Variants in ST8SIA6 observed in about 807,000 individuals in gnomAD.
ST8SIA6 encodes the protein alpha-2,8-sialyltransferase 8F.
A neutral mutation model predicts 33.6 loss-of-function variants in ST8SIA6; 39 were observed. That is an observed-to-expected ratio of 1.16 (90% CI 0.90 to 1.52). The LOEUF is 1.52. Among genes scored for constraint, ST8SIA6 ranks in the 40% most tolerant of loss-of-function variants. The pLI is 0.00. For missense variants in ST8SIA6, 441 were observed against 443.8 expected (o/e 0.99, Z 0.06); for synonymous variants, 172 against 167.2 (o/e 1.03, Z -0.22).
At chr10:17,400,156 A>G (rs1448678075) in intron 2 of ST8SIA6, among the ~76,000 whole-genome samples, 1 of 152,172 alleles carries the variant, frequency 6.6e-6, no homozygotes, top group Admixed American at 6.5e-5. Context: ...ATTTATGGAC[A>G]AGAATTATTT....
chr10:17,438,346 T>G (rs939773340), intron 2 of ST8SIA6, among the ~76,000 whole-genome samples: 6 of 152,194 alleles, frequency 3.9e-5, no homozygotes, highest in African/African-American at 1.4e-4. Flanking sequence ...CTAGATAAAT[T>G]TATTTACAAA....
At chr10:17,393,104 TG>T (rs1850677944) in intron 2 of ST8SIA6, among the ~76,000 whole-genome samples, 1 of 152,212 alleles carries the variant, frequency 6.6e-6, no homozygotes, top group South Asian at 2.1e-4. Context: ...CTTCTTGAGC[TG>T]GGACGTCGTT....
intron 4 of ST8SIA6, among the ~76,000 whole-genome samples, chr10:17,339,319 G>C (rs1848602570): frequency 6.6e-6 from 1 of 152,036 alleles, no homozygotes; most frequent in South Asian, 2.1e-4. Flanking sequence ...TGGCTCCCAG[G>C]CACCTCTTCT....
chr10:17,347,471 G>C (rs536162415), intron 4 of ST8SIA6, among the ~76,000 whole-genome samples: 143 of 152,002 alleles, frequency 9.4e-4, no homozygotes, highest in African/African-American at 3.2e-3. Context: ...GTGGTGACCT[G>C]TTGTGGTTTT....
chr10:17,361,517 A>AACACAC (rs35428636), intron 3 of ST8SIA6, among the ~76,000 whole-genome samples: 1,807 of 146,186 alleles, frequency 0.012, 24 homozygotes, highest in Admixed American at 0.042. Flanking sequence ...CTTCCTACAA[A>AACACAC]ACACACACAC....
intron 2 of ST8SIA6, among the ~76,000 whole-genome samples, chr10:17,434,147 G>A (rs1852182716): frequency 6.6e-6 from 1 of 152,116 alleles, no homozygotes; most frequent in African/African-American, 2.4e-5. Flanking sequence ...TACACATGCT[G>A]CTTCCCACTC....
Position 17,374,764 on chromosome 10 carries a change from T to C in ST8SIA6, c.291-15164A>G, listed in dbSNP as rs200683560. Among the ~76,000 whole-genome samples, 134 of 126,844 alleles carry C rather than the reference T, an allele frequency of 1.1e-3. 7 individuals are homozygous for C. The highest frequency in any genetic ancestry group is 3.9e-3 in the African/African-American group (128 of 33,176). 83.2% of individuals were successfully genotyped at this position (126,844 alleles called of 152,430 possible). ...TAAATAAATAATAAATATATATATA[T>C]ATATTTAGCTCAACTGCCCTCCCAA... On this transcript the variant is annotated intron_variant, in intron 3 of 7. Coordinates refer to ENST00000377602, the MANE Select transcript of ST8SIA6 (RefSeq NM_001004470.3).
At chr10:17,442,151 G>C (rs1023318066) in intron 2 of ST8SIA6, among the ~76,000 whole-genome samples, 7 of 152,124 alleles carry the variant, frequency 4.6e-5, no homozygotes, top group Non-Finnish European at 7.4e-5. Flanking sequence ...ACAGGCGTGG[G>C]CCACTGCACT....
intron 2 of ST8SIA6, among the ~76,000 whole-genome samples, chr10:17,424,949 G>A (rs1851889893): frequency 1.3e-5 from 2 of 151,692 alleles, no homozygotes; most frequent in South Asian, 4.2e-4. Context: ...TGGCCAGGCT[G>A]GTCTTAAACT....
At chr10:17,420,541 C>T (rs1246230330) in intron 2 of ST8SIA6, among the ~76,000 whole-genome samples, 4 of 152,222 alleles carry the variant, frequency 2.6e-5, no homozygotes, top group Non-Finnish European at 4.4e-5. Context: ...CATCTAGAGA[C>T]TAGATACTCA....
At chr10:17,453,520 TC>T in intron 2 of ST8SIA6, 38 bp downstream of exon 2, 1 of 1,265,348 alleles carries the variant, frequency 7.9e-7, no homozygotes, top group Non-Finnish European at 1.0e-6. Flanking sequence ...GGCTCGCAGC[TC>T]CCGAGCCCCA....
intron 4 of ST8SIA6, among the ~76,000 whole-genome samples, chr10:17,343,388 G>A (rs1241140371): frequency 1.3e-5 from 2 of 152,302 alleles, no homozygotes; most frequent in African/African-American, 4.8e-5. Context: ...AGAAAATATT[G>A]TATTCGTAAG....
At chr10:17,341,923 A>T (rs1848691462) in intron 4 of ST8SIA6, among the ~76,000 whole-genome samples, 1 of 144,084 alleles carries the variant, frequency 6.9e-6, no homozygotes, top group African/African-American at 2.6e-5. Flanking sequence ...AAAAAAAAAC[A>T]AAAAGAAAGA....
intron 4 of ST8SIA6, among the ~76,000 whole-genome samples, chr10:17,354,310 T>C (rs773409111): frequency 6.6e-5 from 10 of 152,156 alleles, no homozygotes; most frequent in Non-Finnish European, 1.2e-4. Context: ...ATCAGTTTTC[T>C]AAAAATCAGA....
chr10:17,371,783 T>TAAAAA (rs747851635), intron 3 of ST8SIA6, among the ~76,000 whole-genome samples: 2 of 98,534 alleles, frequency 2.0e-5, no homozygotes, highest in Admixed American at 1.1e-4. Context: ...AAGACTCCAT[T>TAAAAA]AAAAAAAAAA....
At chr10:17,359,492 T>C (rs1295883260) in intron 4 of ST8SIA6, 22 bp downstream of exon 4, 1 of 1,531,484 alleles carries the variant, frequency 6.5e-7, no homozygotes, top group Non-Finnish European at 9.0e-7. Flanking sequence ...TAAAATCTCA[T>C]ATTATTTATG....
chr10:17,396,363 A>G (rs2131671260), intron 2 of ST8SIA6, among the ~76,000 whole-genome samples: 1 of 152,300 alleles, frequency 6.6e-6, no homozygotes, highest in African/African-American at 2.4e-5. Context: ...TCCAATTTGT[A>G]GGGCCTTTTA....
chr10:17,342,295 C>A (rs79162223), intron 4 of ST8SIA6, among the ~76,000 whole-genome samples: 1 of 152,218 alleles, frequency 6.6e-6, no homozygotes, highest in African/African-American at 2.4e-5. Context: ...CAAAGCATCA[C>A]TGGCATTTAA....
rs61580333 is a variant in ST8SIA6, at chr10:17,399,917, C to CA, written c.201-9298dup. On this transcript the variant is annotated intron_variant, in intron 2 of 7. Transcript: ENST00000377602. ...TGGATGACTGAGGGAGATTCTGTCT[C>CA]AAAAAAAAAAAAAAAAAGTAAAATT... Among the ~76,000 whole-genome samples, 467 of 111,002 alleles carry CA rather than the reference C, an allele frequency of 4.2e-3. 2 individuals are homozygous for CA. Among genetic ancestry groups the CA allele is most frequent in the Non-Finnish European group, 5.1e-3 (257 of 50,072 alleles). The allele number at this position is 111,002 out of a possible 152,430, so 72.8% of individuals were successfully genotyped here. A position where few individuals can be genotyped will look rare whatever the true frequency, so the allele number is the denominator to read the frequency against.
Sources: gnomAD v4.1 joint callset for allele counts (sites outside exome capture counted in the v4.1 genomes callset) on GRCh38, gnomAD v4.1.1 for gene constraint, MANE v1.5 for transcripts, NCBI Gene and HGNC (gene_info 2026-07-23, HGNC 2026-07-21) for gene names.